RRAS2: variants seen among roughly 807,000 people sequenced by gnomAD.
RRAS2 encodes the protein RAS related 2.
RRAS2 carries 7 observed loss-of-function variants against 27.6 expected under a neutral mutation model. The observed-to-expected ratio is 0.25, with a 90% confidence interval of 0.14 to 0.48. RRAS2 has a LOEUF of 0.48. Among genes scored for constraint, RRAS2 ranks in the 20% least tolerant of loss-of-function variants. RRAS2 has a pLI of 0.99. For missense variants in RRAS2, 178 were observed against 256.2 expected (o/e 0.69, Z 2.08); for synonymous variants, 86 against 90.9 (o/e 0.95, Z 0.31).
chr11:14,296,591 CA>C (rs1228653944), intron 1 of RRAS2, among the ~76,000 whole-genome samples: 3 of 152,136 alleles, frequency 2.0e-5, no homozygotes, highest in Non-Finnish European at 4.4e-5. Context: ...AAAATGGAGA[CA>C]ACACAAAGAG....
chr11:14,279,029 C>T lies in RRAS2; in HGVS notation c.*308G>A. 4.8e-6 allele frequency: 1 copy of T among 209,844 alleles called. No individual in the cohort carries two copies. The highest frequency in any genetic ancestry group is 1.3e-4 in the South Asian group (1 of 7,684). 13.0% of individuals were successfully genotyped at this position (209,844 alleles called of 1,614,324 possible). A position where few individuals can be genotyped will look rare whatever the true frequency, so the allele number is the denominator to read the frequency against. ...CCTGTAGCTTCAGCTTGGCAAACAG[C>T]TTAGATTCCAAAACTGATTCATCTC... On this transcript the variant is annotated 3_prime_UTR_variant, in exon 6 of 6. Coordinates refer to ENST00000256196, the MANE Select transcript of RRAS2 (RefSeq NM_012250.6).
rs572131261 is a variant in RRAS2, at chr11:14,299,139, A to T, written c.109-3284T>A. Among the ~76,000 whole-genome samples the T allele has an allele frequency of 3.3e-5, 5 of 152,376 alleles. No homozygotes were observed. The East Asian group carries it at 9.6e-4, about 29-fold the overall frequency. ...AGTGCCAAGGCATGCTGATTAATAA[A>T]TGTCAACCATAATAATAACTATTGT... On this transcript the variant is annotated intron_variant, in intron 1 of 5. Coordinates refer to ENST00000256196, the MANE Select transcript of RRAS2 (RefSeq NM_012250.6).
In RRAS2 at chr11:14,358,196, T is replaced by C. The variant is rs1849122669; in HGVS notation, c.108+567A>G. On this transcript the variant is annotated intron_variant, in intron 1 of 5. Transcript: ENST00000256196. This position sits in a 1 kb window ranked among gnomAD's most constrained non-coding sequence, Gnocchi z 5.1. Reference sequence around the variant, plus strand: ...ATTATCACACACTCCCACCCGGACATATTACCTAAGAGAGTACTTATAAAA... The same window carrying C: ...ATTATCACACACTCCCACCCGGACACATTACCTAAGAGAGTACTTATAAAA... The C allele has an allele frequency of 2.0e-6, 2 of 982,870 alleles. No individual in the cohort carries two copies. The highest frequency in any genetic ancestry group is 4.7e-5 in the South Asian group (1 of 21,248). The allele number at this position is 982,870 out of a possible 1,614,324, so 60.9% of individuals were successfully genotyped here. A position where few individuals can be genotyped will look rare whatever the true frequency, so the allele number is the denominator to read the frequency against.
At chr11:14,309,126 G>A (rs1847899222) in intron 1 of RRAS2, among the ~76,000 whole-genome samples, 1 of 152,122 alleles carries the variant, frequency 6.6e-6, no homozygotes, top group Non-Finnish European at 1.5e-5. Context: ...TTGCTTCCCA[G>A]AGTCTAGACT....
At chr11:14,294,915 C>T (rs1260885026) in intron 2 of RRAS2, 53 bp from the exon 3 acceptor site, 1 of 1,507,442 alleles carries the variant, frequency 6.6e-7, no homozygotes, top group Non-Finnish European at 9.2e-7. Context: ...AACTGCTTCC[C>T]CACAAGGGCA....
chr11:14,318,846 A>C (rs574427052), intron 1 of RRAS2, among the ~76,000 whole-genome samples: 1 of 152,360 alleles, frequency 6.6e-6, no homozygotes, highest in African/African-American at 2.4e-5. Flanking sequence ...TAAACTTCAA[A>C]TTCCTTCAGG....
intron 1 of RRAS2, among the ~76,000 whole-genome samples, chr11:14,344,308 C>A (rs1341892506): frequency 6.6e-6 from 1 of 152,154 alleles, no homozygotes; most frequent in Admixed American, 6.5e-5. Context: ...TTTTGTTTCA[C>A]ATTTCCACTT....
At chr11:14,298,942 C>A (rs1358325304) in intron 1 of RRAS2, among the ~76,000 whole-genome samples, 1 of 152,136 alleles carries the variant, frequency 6.6e-6, no homozygotes, top group Non-Finnish European at 1.5e-5. Context: ...CAACAGATCA[C>A]CAATAAGTAA....
At chr11:14,351,444 C>G (rs1848949681) in intron 1 of RRAS2, among the ~76,000 whole-genome samples, 1 of 152,042 alleles carries the variant, frequency 6.6e-6, no homozygotes, top group Non-Finnish European at 1.5e-5. Context: ...AAAGCAAATG[C>G]AGCCAGGCAC....
chr11:14,328,977 T>TTA (rs1180184941), intron 1 of RRAS2, among the ~76,000 whole-genome samples: 132 of 142,094 alleles, frequency 9.3e-4, no homozygotes, highest in African/African-American at 8.1e-4. Context: ...ACACCAAATT[T>TTA]TATATATATG....
At chr11:14,284,597 A>C (rs1032966867) in intron 4 of RRAS2, among the ~76,000 whole-genome samples, 87 of 152,216 alleles carry the variant, frequency 5.7e-4, no homozygotes, top group African/African-American at 2.0e-3. Flanking sequence ...GGGGTATTGA[A>C]GTCTCTGATT....
intron 4 of RRAS2, among the ~76,000 whole-genome samples, chr11:14,287,540 A>T (rs1554945221): frequency 6.6e-6 from 1 of 152,176 alleles, no homozygotes; most frequent in Non-Finnish European, 1.5e-5. Flanking sequence ...TGTAATTCAC[A>T]TAAACAGGAA....
chr11:14,330,879 A>C (rs1389828912), intron 1 of RRAS2, among the ~76,000 whole-genome samples: 1 of 152,220 alleles, frequency 6.6e-6, no homozygotes, highest in Non-Finnish European at 1.5e-5. Flanking sequence ...CAACAATAGG[A>C]GTAACTATAG....
intron 1 of RRAS2, among the ~76,000 whole-genome samples, chr11:14,339,296 G>GC (rs1848650922): frequency 8.9e-6 from 1 of 112,054 alleles, no homozygotes; most frequent in Non-Finnish European, 2.0e-5. Flanking sequence ...AAAAAAAAGG[G>GC]GGGGGGGGGA....
intron 1 of RRAS2, among the ~76,000 whole-genome samples, chr11:14,357,169 A>T (rs1349039830): frequency 6.6e-6 from 1 of 152,164 alleles, no homozygotes; most frequent in Non-Finnish European, 1.5e-5. Flanking sequence ...ACATGGGCTC[A>T]AATAATTCAG....
intron 1 of RRAS2, among the ~76,000 whole-genome samples, chr11:14,331,953 T>C (rs1554951956): frequency 2.6e-5 from 4 of 152,172 alleles, no homozygotes; most frequent in Non-Finnish European, 4.4e-5. Context: ...TGAATATCAT[T>C]AGTCGTCAAG....
intron 1 of RRAS2, among the ~76,000 whole-genome samples, chr11:14,324,989 C>G (rs1295252160): frequency 6.6e-6 from 1 of 152,158 alleles, no homozygotes; most frequent in African/African-American, 2.4e-5. Flanking sequence ...GTTCATAAAT[C>G]TCTAAGCACA....
intron 1 of RRAS2, among the ~76,000 whole-genome samples, chr11:14,345,187 T>C (rs1438617328): frequency 1.3e-5 from 2 of 152,006 alleles, no homozygotes; most frequent in Non-Finnish European, 2.9e-5. Context: ...GGTTTCACCA[T>C]GTCAGCCAGG....
intron 1 of RRAS2, among the ~76,000 whole-genome samples, chr11:14,348,939 A>G (rs1358175121): frequency 6.6e-6 from 1 of 152,128 alleles, no homozygotes; most frequent in Non-Finnish European, 1.5e-5. Flanking sequence ...CCATAATGAG[A>G]TCTATTTCTA....
Sources: gnomAD v4.1 joint callset for allele counts (sites outside exome capture counted in the v4.1 genomes callset) on GRCh38, gnomAD v4.1.1 for gene constraint, Gnocchi (gnomAD v3.1) non-coding constraint, MANE v1.5 for transcripts, NCBI Gene and HGNC (gene_info 2026-07-23, HGNC 2026-07-21) for gene names.